RPIA: variants seen among roughly 807,000 people sequenced by gnomAD.
The protein encoded by RPIA is ribose-5-phosphate isomerase.
In RPIA, 29 loss-of-function variants were observed where a neutral mutation model predicts 37.8. The observed-to-expected ratio is 0.77, with a 90% CI of 0.57 to 1.05. RPIA has a LOEUF of 1.05. Among genes scored for constraint, RPIA ranks in the 50% least tolerant of loss-of-function variants. The pLI is 0.00. For synonymous variants in RPIA, 167 were observed against 157.0 expected, an observed-to-expected ratio of 1.06 and a Z score of -0.48; for missense variants, 385 against 413.6, an observed-to-expected ratio of 0.93 and a Z score of 0.60.
chr2:88,723,477 C>G (rs1581174), intron 3 of RPIA, among the ~76,000 whole-genome samples: 83,912 of 151,920 alleles, frequency 0.55, 24,781 homozygotes, highest in African/African-American at 0.78. Context: ...GGGGGGAGTT[C>G]TACAGCAAAA....
At chr2:88,734,818 CTT>C (rs1236913410) in intron 5 of RPIA, among the ~76,000 whole-genome samples, 1 of 152,170 alleles carries the variant, frequency 6.6e-6, no homozygotes, top group African/African-American at 2.4e-5. Flanking sequence ...ACCTGGGCCT[CTT>C]TAGTGAGATC....
intron 3 of RPIA, among the ~76,000 whole-genome samples, chr2:88,726,168 C>T (rs1185312873): frequency 2.0e-5 from 3 of 152,112 alleles, no homozygotes; most frequent in Non-Finnish European, 2.9e-5. Context: ...AGACAGTGCT[C>T]ACCGACCAGG....
At chr2:88,704,981 A>G (rs1427633131) in intron 3 of RPIA, among the ~76,000 whole-genome samples, 1 of 152,206 alleles carries the variant, frequency 6.6e-6, no homozygotes, top group Non-Finnish European at 1.5e-5. Context: ...TGCTACAAAG[A>G]TAATAAAATA....
chr2:88,733,555 G>A (rs1673278183), intron 4 of RPIA, among the ~76,000 whole-genome samples: 1 of 152,196 alleles, frequency 6.6e-6, no homozygotes. Flanking sequence ...ATACCCCTGA[G>A]AATTGCCAGA....
intron 6 of RPIA, among the ~76,000 whole-genome samples, chr2:88,736,035 A>G (rs931079061): frequency 5.9e-5 from 9 of 152,204 alleles, no homozygotes; most frequent in Non-Finnish European, 1.3e-4. Flanking sequence ...CTCATGTGTC[A>G]TGTCACTCAC....
Position 88,750,119 on chromosome 2 carries a change from C to A in RPIA, c.*41C>A, listed in dbSNP as rs531713655. ...AGTGTGTTCACCTTGAGTCTCCAGC[C>A]CACAGCCAAGGTGGACGTACCTCTC... On this transcript the variant is annotated 3_prime_UTR_variant, in exon 9 of 9. Transcript: ENST00000283646. The A allele has an allele frequency of 1.2e-5, 17 of 1,443,800 alleles. No homozygotes were observed. The African/African-American group carries it at 2.0e-4, about 17-fold the overall frequency. 89.4% of individuals were successfully genotyped at this position (1,443,800 alleles called of 1,614,324 possible). A position where few individuals can be genotyped will look rare whatever the true frequency, so the allele number is the denominator to read the frequency against.
chr2:88,715,944 T>C (rs1673030005), intron 3 of RPIA, among the ~76,000 whole-genome samples: 1 of 152,170 alleles, frequency 6.6e-6, no homozygotes, highest in South Asian at 2.1e-4. Context: ...CTGGGAACTA[T>C]GTCAGGCAAA....
At chr2:88,729,382 C>T (rs1036099371) in intron 4 of RPIA, 45 bp downstream of exon 4, 1 of 1,559,498 alleles carries the variant, frequency 6.4e-7, no homozygotes, top group African/African-American at 1.4e-5. Context: ...TTTCTTTCCG[C>T]TTTTTTATGG....
chr2:88,705,745 G>T (rs1672890127), intron 3 of RPIA, among the ~76,000 whole-genome samples: 1 of 152,140 alleles, frequency 6.6e-6, no homozygotes, highest in Admixed American at 6.5e-5. Flanking sequence ...CGCAGCAAAA[G>T]AAACTATCAT....
At chr2:88,721,271 G>A (rs529910100) in intron 3 of RPIA, among the ~76,000 whole-genome samples, 2 of 152,034 alleles carry the variant, frequency 1.3e-5, no homozygotes, top group South Asian at 4.1e-4. Flanking sequence ...TGTAGATGAT[G>A]GGTGGATGGG....
At chr2:88,745,334 T>C (rs545531991) in intron 8 of RPIA, among the ~76,000 whole-genome samples, 10 of 152,350 alleles carry the variant, frequency 6.6e-5, no homozygotes, top group Admixed American at 6.5e-4. Context: ...GTCTCCTGGA[T>C]ACCTTGTTTT....
At chr2:88,739,634 T>G (rs919398969) in intron 8 of RPIA, among the ~76,000 whole-genome samples, 2 of 152,224 alleles carry the variant, frequency 1.3e-5, no homozygotes, top group African/African-American at 4.8e-5. Flanking sequence ...TATTAATTTT[T>G]TGAGATAGGG....
At chr2:88,701,100 G>A (rs1672826309) in intron 3 of RPIA, among the ~76,000 whole-genome samples, 1 of 152,130 alleles carries the variant, frequency 6.6e-6, no homozygotes, top group African/African-American at 2.4e-5. Flanking sequence ...TTAACAGTAG[G>A]GTGTAAGGCA....
intron 8 of RPIA, among the ~76,000 whole-genome samples, chr2:88,740,502 C>G (rs1281856599): frequency 1.3e-5 from 2 of 152,114 alleles, no homozygotes; most frequent in African/African-American, 4.8e-5. Context: ...AGAAGTAGGG[C>G]GAGTTTCCCT....
At chr2:88,696,371 G>A (rs1672745389) in intron 1 of RPIA, among the ~76,000 whole-genome samples, 1 of 151,986 alleles carries the variant, frequency 6.6e-6, no homozygotes, top group African/African-American at 2.4e-5. Flanking sequence ...GAGTGAGACT[G>A]TGTCTTTTAA....
At chr2:88,748,555 C>T (rs1043934988) in intron 8 of RPIA, among the ~76,000 whole-genome samples, 2 of 152,154 alleles carry the variant, frequency 1.3e-5, no homozygotes, top group African/African-American at 4.8e-5. Flanking sequence ...TTTTCTCTTA[C>T]AGTTAAAGTG....
intron 3 of RPIA, among the ~76,000 whole-genome samples, chr2:88,701,696 C>T (rs577507661): frequency 0.015 from 54 of 3,628 alleles, no homozygotes; most frequent in Admixed American, 0.025. Flanking sequence ...AGATCAGGGA[C>T]ACAGACTCAG....
At chr2:88,722,674 A>G (rs969574868) in intron 3 of RPIA, among the ~76,000 whole-genome samples, 1 of 152,244 alleles carries the variant, frequency 6.6e-6, no homozygotes, top group African/African-American at 2.4e-5. Flanking sequence ...ATCCTCTCAC[A>G]GTACAAGGTG....
intron 8 of RPIA, 104 bp downstream of exon 8, chr2:88,738,180 T>C: frequency 2.3e-6 from 2 of 856,334 alleles, no homozygotes; most frequent in South Asian, 2.7e-5. Flanking sequence ...TTTGTAAGGC[T>C]TGGTTGGAAA....
Sources: gnomAD v4.1 joint callset for allele counts (sites outside exome capture counted in the v4.1 genomes callset) on GRCh38, gnomAD v4.1.1 for gene constraint, MANE v1.5 for transcripts, NCBI Gene and HGNC (gene_info 2026-07-23, HGNC 2026-07-21) for gene names.